The following PRKG1 variants were observed in gnomAD, a reference collection of about 807,000 sequenced individuals.
PRKG1 encodes the protein cGMP-dependent protein kinase 1.
Under a neutral mutation model 88.1 loss-of-function variants are expected in PRKG1, and 35 were observed. The ratio of observed to expected loss-of-function variants is 0.40; its 90% CI spans 0.30 to 0.53. PRKG1 has a LOEUF of 0.53. Ranked by LOEUF, PRKG1 falls within the 20% of genes least tolerant of loss-of-function variation. The pLI, the probability that PRKG1 is intolerant of heterozygous loss-of-function variation, is 0.59. For missense variants in PRKG1, 540 were observed against 839.8 expected, an observed-to-expected ratio of 0.64 and a Z score of 4.41; for synonymous variants, 303 against 292.5, an observed-to-expected ratio of 1.04 and a Z score of -0.37.
intron 2 of PRKG1, among the ~76,000 whole-genome samples, chr10:51,331,907 G>A (rs971687927): frequency 2.6e-5 from 4 of 152,132 alleles, no homozygotes; most frequent in Non-Finnish European, 5.9e-5. Flanking sequence ...CTGAAGGGGA[G>A]CAACAAAAAG....
At chr10:51,510,190 A>C (rs1273907215) in intron 3 of PRKG1, among the ~76,000 whole-genome samples, 2 of 152,208 alleles carry the variant, frequency 1.3e-5, no homozygotes, top group Non-Finnish European at 2.9e-5. Context: ...ATTTACCAAT[A>C]ATATTATTTT....
intron 3 of PRKG1, among the ~76,000 whole-genome samples, chr10:51,533,714 G>C (rs1415817804): frequency 6.6e-6 from 1 of 151,618 alleles, no homozygotes; most frequent in African/African-American, 2.4e-5. Flanking sequence ...TGGAGCCAAG[G>C]GTATCCATGT....
intron 9 of PRKG1, among the ~76,000 whole-genome samples, chr10:52,171,641 T>G (rs564744441): frequency 6.6e-6 from 1 of 152,220 alleles, no homozygotes; most frequent in East Asian, 1.9e-4. Context: ...GATTAATACT[T>G]CAGCAGGATT....
intron 3 of PRKG1, among the ~76,000 whole-genome samples, chr10:51,502,235 A>G: frequency 6.6e-6 from 1 of 152,040 alleles, no homozygotes. Context: ...TTATGCCACC[A>G]ATTTAAATAC....
intron 2 of PRKG1, among the ~76,000 whole-genome samples, chr10:51,278,933 GT>G (rs1233597047): frequency 6.6e-6 from 1 of 152,014 alleles, no homozygotes; most frequent in Non-Finnish European, 1.5e-5. Flanking sequence ...TTTTTGAAGG[GT>G]TTTTTGTGTC....
At chr10:51,694,692 ATGAAT>A (rs1841238256) in intron 3 of PRKG1, among the ~76,000 whole-genome samples, 1 of 152,200 alleles carries the variant, frequency 6.6e-6, no homozygotes, top group South Asian at 2.1e-4. Flanking sequence ...ATTATGATGA[ATGAAT>A]TGGTGATTTT....
chr10:51,940,337 C>T (rs1191802805), intron 5 of PRKG1, among the ~76,000 whole-genome samples: 1 of 151,782 alleles, frequency 6.6e-6, no homozygotes, highest in African/African-American at 2.4e-5. Flanking sequence ...ATGGTCAGTC[C>T]TCTACTGATA....
intron 2 of PRKG1, among the ~76,000 whole-genome samples, chr10:51,362,623 G>C (rs1434857316): frequency 6.6e-6 from 1 of 151,726 alleles, no homozygotes; most frequent in Non-Finnish European, 1.5e-5. Flanking sequence ...CATTGAAACT[G>C]TATTTTTTTT....
At chr10:52,012,673 C>G (rs1589516649) in intron 5 of PRKG1, among the ~76,000 whole-genome samples, 1 of 152,150 alleles carries the variant, frequency 6.6e-6, no homozygotes, top group East Asian at 1.9e-4. Flanking sequence ...AGGCATCTGG[C>G]TTATTTGCCT....
chr10:51,031,648 T>C (rs905294779), intron 1 of PRKG1, among the ~76,000 whole-genome samples: 5 of 152,158 alleles, frequency 3.3e-5, no homozygotes, highest in African/African-American at 9.7e-5. Flanking sequence ...ATGAAGTAAA[T>C]ACTGTGACAC....
At chr10:51,876,435 T>TGTGTA (rs1177033907) in intron 4 of PRKG1, among the ~76,000 whole-genome samples, 5 of 152,236 alleles carry the variant, frequency 3.3e-5, no homozygotes, top group Non-Finnish European at 7.3e-5. Flanking sequence ...AGGATGGAAA[T>TGTGTA]GTGTAGTGTA....
chr10:51,587,917 C>T (rs1838213127), intron 3 of PRKG1, among the ~76,000 whole-genome samples: 1 of 152,152 alleles, frequency 6.6e-6, no homozygotes, highest in South Asian at 2.1e-4. Flanking sequence ...CTTTTCTATA[C>T]CATACAAAAC....
intron 2 of PRKG1, among the ~76,000 whole-genome samples, chr10:51,296,911 C>A (rs1339146687): frequency 6.6e-6 from 1 of 152,010 alleles, no homozygotes; most frequent in Non-Finnish European, 1.5e-5. Context: ...TTTGTCTATT[C>A]TTTCCCTCTT....
chr10:51,504,733 A>G lies in PRKG1; in HGVS notation c.592+36897A>G, dbSNP rs11497975. On this transcript the variant is annotated intron_variant, in intron 3 of 17. Coordinates refer to ENST00000373980, the MANE Select transcript of PRKG1 (RefSeq NM_006258.4). ...TAGGTATTTTATTCTCTTTGAAGCA[A>G]TTGTAAATGGGAATTCACTCCTGAT... Among the ~76,000 whole-genome samples, 899 of 152,202 alleles carry G rather than the reference A, an allele frequency of 5.9e-3. 14 individuals are homozygous for G. The highest frequency in any genetic ancestry group is 0.021 in the African/African-American group (864 of 41,532).
intron 1 of PRKG1, among the ~76,000 whole-genome samples, chr10:51,012,833 AT>A (rs1296640648): frequency 1.3e-5 from 2 of 152,280 alleles, no homozygotes; most frequent in African/African-American, 2.4e-5. Context: ...GGAAGAGTCT[AT>A]TTAAATGGTA....
chr10:51,469,768 T>C, intron 3 of PRKG1, among the ~76,000 whole-genome samples: 1 of 151,838 alleles, frequency 6.6e-6, no homozygotes, highest in South Asian at 2.1e-4. Context: ...CATCCGTGCA[T>C]GTGTGTGTGT....
intron 3 of PRKG1, among the ~76,000 whole-genome samples, chr10:51,736,786 A>C (rs1589245169): frequency 6.6e-6 from 1 of 150,442 alleles, no homozygotes; most frequent in South Asian, 2.1e-4. Flanking sequence ...CCACTACTAC[A>C]CCTGGCTAAT....
At chr10:51,548,824 A>G (rs1449519363) in intron 3 of PRKG1, among the ~76,000 whole-genome samples, 2 of 152,126 alleles carry the variant, frequency 1.3e-5, no homozygotes, top group African/African-American at 2.4e-5. Context: ...TTTGATTCAC[A>G]TAAAACTACA....
intron 3 of PRKG1, among the ~76,000 whole-genome samples, chr10:51,787,249 T>C (rs1352950591): frequency 1.3e-5 from 2 of 152,192 alleles, no homozygotes; most frequent in Admixed American, 6.6e-5. Context: ...AATTGTCAAA[T>C]TTTGTTCAAA....
Sources: gnomAD v4.1 joint callset for allele counts (sites outside exome capture counted in the v4.1 genomes callset) on GRCh38, gnomAD v4.1.1 for gene constraint, MANE v1.5 for transcripts, NCBI Gene and HGNC (gene_info 2026-07-23, HGNC 2026-07-21) for gene names.